The following SMAD9 variants were observed in gnomAD, a reference collection of about 807,000 sequenced individuals.
SMAD9 encodes SMAD family member 9.
A neutral mutation model predicts 46.1 loss-of-function variants in SMAD9; 36 were observed. The observed-to-expected ratio is 0.78, with a 90% confidence interval of 0.60 to 1.03. SMAD9 has a LOEUF of 1.03. Among genes scored for constraint, SMAD9 ranks in the 50% least tolerant of loss-of-function variants. SMAD9 has a pLI of 0.00. For synonymous variants in SMAD9, 245 were observed against 237.1 expected, an observed-to-expected ratio of 1.03 and a Z score of -0.31; for missense variants, 572 against 599.8, an observed-to-expected ratio of 0.95 and a Z score of 0.48.
Position 36,894,295 on chromosome 13 carries a change from T to C in SMAD9, c.-186-14420A>G, listed in dbSNP as rs113596829. Among the ~76,000 whole-genome samples the C allele has an allele frequency of 5.5e-3, 840 of 152,244 alleles. 6 individuals carry two copies. The highest frequency in any genetic ancestry group is 0.011 in the South Asian group (53 of 4,818). On this transcript the variant is annotated intron_variant, in intron 1 of 6. Coordinates refer to ENST00000379826, the MANE Select transcript of SMAD9 (RefSeq NM_001127217.3). ...TTCCCCCATACTGTTCTCTTGGTAG[T>C]GAGTCTCATGAGATCTGACGGTTTT...
intron 1 of SMAD9, among the ~76,000 whole-genome samples, chr13:36,915,556 A>C (rs985272829): frequency 6.6e-6 from 1 of 152,194 alleles, no homozygotes; most frequent in African/African-American, 2.4e-5. Flanking sequence ...AGAGAGAGAG[A>C]GAGAGAGAAG....
chr13:36,882,362 T>C (rs2058411845), intron 1 of SMAD9, among the ~76,000 whole-genome samples: 1 of 152,154 alleles, frequency 6.6e-6, no homozygotes, highest in Non-Finnish European at 1.5e-5. Flanking sequence ...AAACCATACA[T>C]TTTTCTTCAA....
chr13:36,870,896 T>A (rs1460383221), intron 3 of SMAD9, among the ~76,000 whole-genome samples: 2 of 152,206 alleles, frequency 1.3e-5, no homozygotes, highest in Admixed American at 6.5e-5. Context: ...CAGCTACTAA[T>A]TGACTCACAG....
chr13:36,887,507 G>A (rs1216688725), intron 1 of SMAD9, among the ~76,000 whole-genome samples: 2 of 152,094 alleles, frequency 1.3e-5, no homozygotes, highest in Admixed American at 6.5e-5. Context: ...ACAGGTGTGA[G>A]CCATTGCGCC....
At chr13:36,860,835 T>C (rs887484046) in intron 5 of SMAD9, among the ~76,000 whole-genome samples, 3 of 152,076 alleles carry the variant, frequency 2.0e-5, no homozygotes, top group Non-Finnish European at 4.4e-5. Context: ...TATGTCATTG[T>C]AGAGAGTTCA....
At chr13:36,880,914 G>A (rs1431526624) in intron 1 of SMAD9, among the ~76,000 whole-genome samples, 1 of 151,646 alleles carries the variant, frequency 6.6e-6, no homozygotes, top group Non-Finnish European at 1.5e-5. Context: ...TTTTTAAAAT[G>A]GTAAAAATTG....
chr13:36,847,486 G>A lies in SMAD9; in HGVS notation c.*1190C>T, dbSNP rs1479729726. On this transcript the variant is annotated 3_prime_UTR_variant, in exon 7 of 7. Transcript: ENST00000379826. Reference sequence around the variant, plus strand: ...TTTTTAAAAGATGTCTTATTATTCAGTACCACTGTTCCCCAGAAATTGCAG... The same window carrying A: ...TTTTTAAAAGATGTCTTATTATTCAATACCACTGTTCCCCAGAAATTGCAG... 18 of 152,146 alleles carry A rather than the reference G, an allele frequency of 1.2e-4. 1 individual carries two copies. Among genetic ancestry groups the A allele is most frequent in the Non-Finnish European group, 2.2e-4 (15 of 68,028 alleles). 9.4% of individuals were successfully genotyped at this position (152,146 alleles called of 1,614,324 possible).
At chr13:36,901,178 C>T (rs1028216300) in intron 1 of SMAD9, among the ~76,000 whole-genome samples, 13 of 152,142 alleles carry the variant, frequency 8.5e-5, no homozygotes, top group Non-Finnish European at 1.9e-4. Context: ...TCAGTTCTTT[C>T]GAGCATATAC....
chr13:36,899,567 G>A (rs2058556800), intron 1 of SMAD9, among the ~76,000 whole-genome samples: 1 of 152,134 alleles, frequency 6.6e-6, no homozygotes, highest in Admixed American at 6.5e-5. Context: ...AATGAAGTCG[G>A]GGGTAACACA....
intron 2 of SMAD9, among the ~76,000 whole-genome samples, chr13:36,878,560 TG>T (rs983154950): frequency 1.3e-5 from 2 of 152,226 alleles, no homozygotes; most frequent in Admixed American, 6.5e-5. Flanking sequence ...AAGTGATACC[TG>T]TCTGTACTTA....
At chr13:36,907,495 C>G (rs1212412689) in intron 1 of SMAD9, among the ~76,000 whole-genome samples, 1 of 152,114 alleles carries the variant, frequency 6.6e-6, no homozygotes, top group East Asian at 1.9e-4. Flanking sequence ...GAGCGAGACC[C>G]CATCTCTACA....
At chr13:36,911,620 G>T (rs950119221) in intron 1 of SMAD9, among the ~76,000 whole-genome samples, 5 of 60,686 alleles carry the variant, frequency 8.2e-5, no homozygotes, top group East Asian at 4.7e-4. Context: ...CTGCCTGGGG[G>T]GGGGGGGGGC....
In SMAD9 at chr13:36,862,136, G is replaced by A. The variant is rs189622714; in HGVS notation, c.1003+3401C>T. Among the ~76,000 whole-genome samples, 4 of 152,162 alleles carry A rather than the reference G, an allele frequency of 2.6e-5. No homozygotes were observed. In the South Asian group the frequency reaches 8.3e-4, roughly 32 times the overall value. On this transcript the variant is annotated intron_variant, in intron 5 of 6. Coordinates refer to ENST00000379826, the MANE Select transcript of SMAD9 (RefSeq NM_001127217.3). ...CCTGACAGACTGGTTCAGGCTCCAC[G>A]AACACTGACTTCCTTGCTCTCTGTG...
At chr13:36,886,537 C>T (rs1170767238) in intron 1 of SMAD9, among the ~76,000 whole-genome samples, 2 of 152,254 alleles carry the variant, frequency 1.3e-5, no homozygotes, top group Admixed American at 1.3e-4. Flanking sequence ...TGTCAGCCTC[C>T]ATTCACTCAT....
chr13:36,879,784 C>G lies in SMAD9; in HGVS notation c.-95G>C. The G allele has an allele frequency of 7.3e-7, 1 of 1,377,426 alleles. No individual in the cohort carries two copies. Among genetic ancestry groups the G allele is most frequent in the Non-Finnish European group, 1.0e-6 (1 of 981,568 alleles). The allele number at this position is 1,377,426 out of a possible 1,614,324, so 85.3% of individuals were successfully genotyped here. A position where few individuals can be genotyped will look rare whatever the true frequency, so the allele number is the denominator to read the frequency against. On this transcript the variant is annotated 5_prime_UTR_variant, in exon 2 of 7. Coordinates refer to ENST00000379826, the MANE Select transcript of SMAD9 (RefSeq NM_001127217.3). ...AGCTCTCCAGGGGTGGCATAGGGAC[C>G]AACCCGCCCGTTCTTCTGGGAGCAG...
At chr13:36,906,835 T>C (rs1402578470) in intron 1 of SMAD9, among the ~76,000 whole-genome samples, 1 of 152,172 alleles carries the variant, frequency 6.6e-6, no homozygotes, top group African/African-American at 2.4e-5. Flanking sequence ...TTAGCAGGTG[T>C]GGGAGAGAGT....
intron 3 of SMAD9, among the ~76,000 whole-genome samples, chr13:36,871,024 G>C (rs116004190): frequency 2.4e-4 from 36 of 152,232 alleles, no homozygotes; most frequent in African/African-American, 7.5e-4. Flanking sequence ...TTTATTTCTG[G>C]AATTTTCCAT....
chr13:36,912,433 A>G (rs2058668866), intron 1 of SMAD9, among the ~76,000 whole-genome samples: 1 of 152,154 alleles, frequency 6.6e-6, no homozygotes, highest in African/African-American at 2.4e-5. Context: ...CTATACTACT[A>G]TTGAGACAGC....
rs1031358998 is a variant in SMAD9 at position 36,845,774 on chromosome 13, G to A, written c.*2902C>T. 1 of 152,080 alleles carries A rather than the reference G, an allele frequency of 6.6e-6. No individual in the cohort carries two copies. Among genetic ancestry groups the A allele is most frequent in the Non-Finnish European group, 1.5e-5 (1 of 68,012 alleles). 9.4% of individuals were successfully genotyped at this position (152,080 alleles called of 1,614,324 possible). A position where few individuals can be genotyped will look rare whatever the true frequency, so the allele number is the denominator to read the frequency against. ...ATATGATTGTGTTACAATGACTAAA[G>A]GGTTAACTTCTCATTAATTCTAAAT... On this transcript the variant is annotated 3_prime_UTR_variant, in exon 7 of 7. Transcript: ENST00000379826.
Sources: allele counts gnomAD v4.1 joint callset (sites outside exome capture counted in the v4.1 genomes callset), GRCh38; gene constraint gnomAD v4.1.1; transcripts MANE v1.5; gene names NCBI Gene and HGNC (gene_info 2026-07-23, HGNC 2026-07-21).